FOXP2: variants seen among roughly 807,000 people sequenced by gnomAD.
The protein encoded by FOXP2 is forkhead box P2, also known as forkhead box protein P2.
FOXP2 carries 12 observed loss-of-function variants against 115.8 expected under a neutral mutation model. The ratio of observed to expected loss-of-function variants is 0.10; its 90% confidence interval spans 0.07 to 0.17. The LOEUF is 0.17. Ranked by LOEUF, FOXP2 falls within the 10% of genes least tolerant of loss-of-function variation. The probability of loss-of-function intolerance (pLI) is 1.00; values close to 1 mark genes in which losing one functional copy is unlikely to be tolerated. For synonymous variants in FOXP2, 328 were observed against 297.7 expected, an observed-to-expected ratio of 1.10 and a Z score of -1.05; for missense variants, 629 against 843.5, an observed-to-expected ratio of 0.75 and a Z score of 3.15.
intron 2 of FOXP2, among the ~76,000 whole-genome samples, chr7:114,437,188 A>G (rs936340339): frequency 6.6e-6 from 1 of 152,156 alleles, no homozygotes; most frequent in African/African-American, 2.4e-5. Context: ...ATTTATTGAC[A>G]TATGCCACAT....
chr7:114,513,409 A>T (rs1798171933), intron 2 of FOXP2, among the ~76,000 whole-genome samples: 2 of 152,178 alleles, frequency 1.3e-5, no homozygotes, highest in Non-Finnish European at 2.9e-5. Context: ...AGTAGTTACC[A>T]GTTTTGACTT....
chr7:114,360,753 A>G (rs1249592502), intron 2 of FOXP2, among the ~76,000 whole-genome samples: 1 of 152,220 alleles, frequency 6.6e-6, no homozygotes, highest in Non-Finnish European at 1.5e-5. Flanking sequence ...TAAGATATAC[A>G]GTCTATAAGA....
At chr7:114,124,495 A>G (rs764686505) in intron 1 of FOXP2, among the ~76,000 whole-genome samples, 4 of 151,980 alleles carry the variant, frequency 2.6e-5, no homozygotes, top group Non-Finnish European at 5.9e-5. Context: ...GGCTCTTTGG[A>G]TCCAATGGTG....
intron 2 of FOXP2, among the ~76,000 whole-genome samples, chr7:114,307,121 C>T (rs779216126): frequency 5.3e-5 from 8 of 152,162 alleles, no homozygotes; most frequent in South Asian, 2.1e-4. Context: ...ACCAAATATG[C>T]TGTATTGGTT....
chr7:114,283,686 G>A (rs915168813), intron 1 of FOXP2, among the ~76,000 whole-genome samples: 6 of 152,102 alleles, frequency 3.9e-5, no homozygotes, highest in Non-Finnish European at 7.4e-5. Context: ...CCTAGGCTGG[G>A]CATAGTTGGC....
intron 1 of FOXP2, among the ~76,000 whole-genome samples, chr7:114,147,520 G>T (rs1792408400): frequency 6.6e-6 from 1 of 152,092 alleles, no homozygotes; most frequent in South Asian, 2.1e-4. Context: ...CTTAGGCTGG[G>T]TATACCCAGA....
intron 1 of FOXP2, among the ~76,000 whole-genome samples, chr7:114,279,766 T>TTA (rs1554360874): frequency 4.1e-5 from 6 of 145,020 alleles, no homozygotes; most frequent in African/African-American, 1.5e-4. Context: ...TATATTAGTT[T>TTA]AAAAAAAAAA....
intron 2 of FOXP2, among the ~76,000 whole-genome samples, chr7:114,462,276 T>TAA (rs1795600376): frequency 4.7e-5 from 1 of 21,302 alleles, no homozygotes. Flanking sequence ...CGAGACTCCG[T>TAA]GAAAAAAAAA....
At chr7:114,328,300 GA>G (rs1277284116) in intron 2 of FOXP2, among the ~76,000 whole-genome samples, 23 of 145,762 alleles carry the variant, frequency 1.6e-4, no homozygotes, top group Non-Finnish European at 3.3e-4. Flanking sequence ...CCAGTGGCGC[GA>G]TCTCGGCTCA....
chr7:114,473,290 C>T (rs927657573), intron 2 of FOXP2, among the ~76,000 whole-genome samples: 6 of 152,072 alleles, frequency 3.9e-5, no homozygotes, highest in African/African-American at 1.4e-4. Context: ...GCCCCCATTA[C>T]AAGATACAAG....
At chr7:114,533,883 T>C (rs1275302854) in intron 2 of FOXP2, among the ~76,000 whole-genome samples, 2 of 151,940 alleles carry the variant, frequency 1.3e-5, no homozygotes, top group Non-Finnish European at 2.9e-5. Context: ...ATGCTTACAT[T>C]AATTTCTTAT....
rs532655580 is a variant in FOXP2 at position 114,248,751 on chromosome 7, T to C, written c.-101-39268T>C. On this transcript the variant is annotated intron_variant, in intron 1 of 17. Coordinates refer to the FOXP2 transcript ENST00000634411. The stretch of plus-strand genomic sequence containing the variant: ...GAAATTAATAGTAGCTGAAAGTTAA[T>C]GTAACACTTATTTTGTGCCAGGCAT... Among the ~76,000 whole-genome samples, 3 of 152,324 alleles carry C rather than the reference T, an allele frequency of 2.0e-5. No individual in the cohort carries two copies. In the South Asian group the frequency reaches 6.2e-4, roughly 32 times the overall value.
intron 2 of FOXP2, among the ~76,000 whole-genome samples, chr7:114,353,424 A>G (rs572978301): frequency 6.8e-6 from 1 of 146,302 alleles, no homozygotes; most frequent in African/African-American, 2.5e-5. Flanking sequence ...CTAGGCCAGC[A>G]TCGAATGAAG....
chr7:114,589,849 A>T (rs1802355180), intron 3 of FOXP2, among the ~76,000 whole-genome samples: 1 of 152,062 alleles, frequency 6.6e-6, no homozygotes, highest in African/African-American at 2.4e-5. Context: ...TTGTCAACTT[A>T]GGCCCTTCCA....
At chr7:114,512,086 T>C (rs1044510416) in intron 2 of FOXP2, among the ~76,000 whole-genome samples, 3 of 152,198 alleles carry the variant, frequency 2.0e-5, no homozygotes, top group Admixed American at 1.3e-4. Flanking sequence ...ATAATTTGGA[T>C]ATTCTTTTTT....
chr7:114,151,698 G>A (rs1294117837), intron 1 of FOXP2, among the ~76,000 whole-genome samples: 1 of 152,032 alleles, frequency 6.6e-6, no homozygotes, highest in Non-Finnish European at 1.5e-5. Flanking sequence ...GAGAAAAATT[G>A]TGTTTTATTT....
chr7:114,289,869 T>C (rs1279469761), intron 2 of FOXP2, among the ~76,000 whole-genome samples: 4 of 151,958 alleles, frequency 2.6e-5, no homozygotes, highest in Admixed American at 6.6e-5. Flanking sequence ...AAAAGCATTA[T>C]TTTTTCTTGT....
intron 2 of FOXP2, among the ~76,000 whole-genome samples, chr7:114,354,239 G>A (rs1204925719): frequency 6.6e-6 from 1 of 151,866 alleles, no homozygotes; most frequent in Non-Finnish European, 1.5e-5. Context: ...ATCCCTTCTG[G>A]GTTAGCAGGC....
At chr7:114,362,781 T>G (rs1000165013) in intron 2 of FOXP2, among the ~76,000 whole-genome samples, 4 of 144,542 alleles carry the variant, frequency 2.8e-5, no homozygotes, top group African/African-American at 9.8e-5. Context: ...AAGATATAAT[T>G]ACTTCTGATT....
Sources: allele counts gnomAD v4.1 joint callset (sites outside exome capture counted in the v4.1 genomes callset), GRCh38; gene constraint gnomAD v4.1.1; transcripts MANE v1.5; gene names NCBI Gene and HGNC (gene_info 2026-07-23, HGNC 2026-07-21).